The following ESRRG variants were observed in gnomAD, a reference collection of about 807,000 sequenced individuals.
ESRRG encodes the protein estrogen related receptor gamma, also known as estrogen-related receptor gamma.
ESRRG carries 13 observed loss-of-function variants against 44.0 expected under a neutral mutation model. The ratio of observed to expected loss-of-function variants is 0.30; its 90% CI spans 0.19 to 0.47. The LOEUF (loss-of-function observed/expected upper bound fraction) is 0.47. Among genes scored for constraint, ESRRG ranks in the 20% least tolerant of loss-of-function variants. The probability of loss-of-function intolerance (pLI) is 1.00; values close to 1 mark genes in which losing one functional copy is unlikely to be tolerated. For synonymous variants in ESRRG, 215 were observed against 214.6 expected, an observed-to-expected ratio of 1.00 and a Z score of -0.02; for missense variants, 395 against 580.6, an observed-to-expected ratio of 0.68 and a Z score of 3.29.
chr1:216,589,059 A>C (rs972498035), intron 3 of ESRRG, among the ~76,000 whole-genome samples: 4 of 152,218 alleles, frequency 2.6e-5, no homozygotes, highest in African/African-American at 9.6e-5. Context: ...AAAAACTGGA[A>C]GATGGAATCA....
At chr1:216,927,524 G>A (rs1421965226) in intron 2 of ESRRG, among the ~76,000 whole-genome samples, 3 of 152,198 alleles carry the variant, frequency 2.0e-5, no homozygotes, top group South Asian at 2.1e-4. Context: ...ATGGGCCAAC[G>A]TGCTGAGCTT....
At chr1:216,974,458 G>GA (rs1174716679) in intron 1 of ESRRG, among the ~76,000 whole-genome samples, 1 of 151,904 alleles carries the variant, frequency 6.6e-6, no homozygotes, top group Non-Finnish European at 1.5e-5. Context: ...TTCCAAAGGG[G>GA]AAAAAAATAG....
chr1:216,764,940 T>G (rs1017630612), intron 2 of ESRRG, among the ~76,000 whole-genome samples: 2 of 151,992 alleles, frequency 1.3e-5, no homozygotes, highest in Non-Finnish European at 2.9e-5. Context: ...GGGAGAGTTG[T>G]GTGGAACAGC....
At chr1:216,858,266 T>A (rs1434892858) in intron 2 of ESRRG, among the ~76,000 whole-genome samples, 3 of 150,962 alleles carry the variant, frequency 2.0e-5, no homozygotes, top group African/African-American at 7.3e-5. Context: ...TGAAACCCTG[T>A]CTCTACTAAA....
intron 2 of ESRRG, among the ~76,000 whole-genome samples, chr1:216,773,513 A>G (rs1351509558): frequency 6.6e-6 from 1 of 152,150 alleles, no homozygotes; most frequent in Non-Finnish European, 1.5e-5. Context: ...GTCAACTATG[A>G]AAATGCTTTG....
At chr1:216,963,768 G>A (rs1459612387) in intron 1 of ESRRG, among the ~76,000 whole-genome samples, 1 of 152,112 alleles carries the variant, frequency 6.6e-6, no homozygotes, top group Non-Finnish European at 1.5e-5. Context: ...GGGCTCTATG[G>A]AAAGTACAAG....
intron 2 of ESRRG, among the ~76,000 whole-genome samples, chr1:216,901,049 G>A (rs1157653571): frequency 6.6e-6 from 1 of 152,132 alleles, no homozygotes; most frequent in African/African-American, 2.4e-5. Flanking sequence ...CATTGCTGCT[G>A]GGGGTTGCTT....
intron 1 of ESRRG, among the ~76,000 whole-genome samples, chr1:216,977,065 C>T (rs897280117): frequency 5.3e-5 from 8 of 152,092 alleles, no homozygotes; most frequent in South Asian, 2.1e-4. Flanking sequence ...GAATCTTGCT[C>T]GCTCTCTCTT....
intron 1 of ESRRG, among the ~76,000 whole-genome samples, chr1:217,115,555 G>C (rs2092714369): frequency 6.6e-6 from 1 of 151,944 alleles, no homozygotes; most frequent in African/African-American, 2.4e-5. Flanking sequence ...GAACATACCA[G>C]GCATGCTCCT....
chr1:216,904,578 T>G (rs771712918), intron 2 of ESRRG, among the ~76,000 whole-genome samples: 24 of 152,186 alleles, frequency 1.6e-4, no homozygotes, highest in Non-Finnish European at 2.6e-4. Context: ...AAAGTAAACT[T>G]GGCTTTACTT....
chr1:216,680,243 T>A (rs12126689), intron 1 of ESRRG, among the ~76,000 whole-genome samples: 32,012 of 152,170 alleles, frequency 0.21, 3,661 homozygotes, highest in Middle Eastern at 0.28. Flanking sequence ...TTTACAAATA[T>A]TACCTCATTG....
chr1:216,993,650 T>C (rs1225608704), intron 1 of ESRRG, among the ~76,000 whole-genome samples: 2 of 152,142 alleles, frequency 1.3e-5, no homozygotes, highest in Non-Finnish European at 2.9e-5. Context: ...GATATTCCCG[T>C]ACCGCAGTCT....
intron 2 of ESRRG, among the ~76,000 whole-genome samples, chr1:216,764,910 G>A (rs777222172): frequency 1.2e-4 from 18 of 152,076 alleles, no homozygotes; most frequent in Non-Finnish European, 2.1e-4. Context: ...AGGGGTGGGT[G>A]GAGTGCAGAA....
chr1:216,829,898 C>T (rs2095459406), intron 2 of ESRRG, among the ~76,000 whole-genome samples: 1 of 152,122 alleles, frequency 6.6e-6, no homozygotes, highest in African/African-American at 2.4e-5. Flanking sequence ...GCCTTCTCAC[C>T]TCAGGAGGGG....
At chr1:216,913,574 C>T (rs1029685965) in intron 2 of ESRRG, among the ~76,000 whole-genome samples, 5 of 152,278 alleles carry the variant, frequency 3.3e-5, no homozygotes, top group Admixed American at 2.6e-4. Context: ...AGATAGGAGA[C>T]GTGGGTCCAA....
chr1:216,847,442 G>A (rs369210324), intron 2 of ESRRG, among the ~76,000 whole-genome samples: 150 of 152,188 alleles, frequency 9.9e-4, no homozygotes, highest in African/African-American at 3.4e-3. Flanking sequence ...GGAGTAGAAA[G>A]GAAAGGGATA....
At chr1:216,550,669 A>G (rs1468797079) in intron 5 of ESRRG, among the ~76,000 whole-genome samples, 2 of 152,158 alleles carry the variant, frequency 1.3e-5, no homozygotes, top group Non-Finnish European at 2.9e-5. Context: ...GAGATGTAAC[A>G]CAACCTTAAC....
At chr1:216,549,977 T>G (rs1049812131) in intron 5 of ESRRG, among the ~76,000 whole-genome samples, 1 of 152,162 alleles carries the variant, frequency 6.6e-6, no homozygotes, top group African/African-American at 2.4e-5. Flanking sequence ...GGCATCTGAC[T>G]GCAACAGCCG....
At chr1:217,121,266 A>G (rs1290953604) in intron 1 of ESRRG, among the ~76,000 whole-genome samples, 1 of 152,216 alleles carries the variant, frequency 6.6e-6, no homozygotes, top group Non-Finnish European at 1.5e-5. Flanking sequence ...GGGGAATAGT[A>G]AAGTGTCAGA....
Sources: allele counts gnomAD v4.1 joint callset (sites outside exome capture counted in the v4.1 genomes callset), GRCh38; gene constraint gnomAD v4.1.1; transcripts MANE v1.5; gene names NCBI Gene and HGNC (gene_info 2026-07-23, HGNC 2026-07-21).